MPP7: variants seen among roughly 807,000 people sequenced by gnomAD.
MPP7 encodes MAGUK p55 scaffold protein 7, also known as MAGUK p55 subfamily member 7.
Under a neutral mutation model 76.5 loss-of-function variants are expected in MPP7, and 60 were observed. That is an observed-to-expected ratio of 0.78 (90% confidence interval 0.64 to 0.97). The LOEUF (loss-of-function observed/expected upper bound fraction) is 0.97. Ranked by LOEUF, MPP7 falls within the 50% of genes least tolerant of loss-of-function variation. The pLI is 0.00. For synonymous variants in MPP7, 237 were observed against 244.5 expected, an observed-to-expected ratio of 0.97 and a Z score of 0.29; for missense variants, 641 against 694.0, an observed-to-expected ratio of 0.92 and a Z score of 0.86.
chr10:28,332,790 T>C (rs1218556136), intron 1 of MPP7, among the ~76,000 whole-genome samples: 1 of 151,972 alleles, frequency 6.6e-6, no homozygotes, highest in African/African-American at 2.4e-5. Flanking sequence ...GCCTTCTAAG[T>C]AGCTTGGACC....
intron 3 of MPP7, among the ~76,000 whole-genome samples, chr10:28,185,219 T>C (rs1837195814): frequency 6.7e-6 from 1 of 149,064 alleles, no homozygotes; most frequent in East Asian, 1.9e-4. Flanking sequence ...TATAATATAG[T>C]ATAATATGAT....
chr10:28,305,235 G>C (rs1435615278), upstream of MPP7, among the ~76,000 whole-genome samples: 3 of 152,206 alleles, frequency 2.0e-5, no homozygotes, highest in African/African-American at 7.2e-5. Flanking sequence ...AAGCCAGCAT[G>C]GGTATCATGG....
intron 12 of MPP7, among the ~76,000 whole-genome samples, chr10:28,075,218 G>C (rs561878166): frequency 6.6e-6 from 1 of 152,198 alleles, no homozygotes; most frequent in South Asian, 2.1e-4. Context: ...CTTCCCACCA[G>C]GCCCCACCTC....
At chr10:28,217,356 C>A (rs2134046110) in intron 2 of MPP7, among the ~76,000 whole-genome samples, 1 of 151,978 alleles carries the variant, frequency 6.6e-6, no homozygotes, top group South Asian at 2.1e-4. Context: ...TGGTGAAACC[C>A]TATCTCTACT....
intron 1 of MPP7, among the ~76,000 whole-genome samples, chr10:28,243,764 CAG>C (rs1306687430): frequency 6.6e-6 from 1 of 152,006 alleles, no homozygotes; most frequent in East Asian, 1.9e-4. Flanking sequence ...AAAGTAGACA[CAG>C]ATACAAAAAT....
intron 3 of MPP7, among the ~76,000 whole-genome samples, chr10:28,198,609 A>G (rs933611894): frequency 2.0e-5 from 3 of 152,002 alleles, no homozygotes; most frequent in African/African-American, 7.2e-5. Flanking sequence ...AAAGAAAGAA[A>G]TATAGTATTT....
intron 2 of MPP7, among the ~76,000 whole-genome samples, chr10:28,231,197 T>C (rs924835756): frequency 6.6e-6 from 1 of 151,948 alleles, no homozygotes; most frequent in South Asian, 2.1e-4. Flanking sequence ...AAAAAAACTC[T>C]TATGTGAATA....
chr10:28,054,528 G>A (rs893654323), intron 16 of MPP7, among the ~76,000 whole-genome samples: 4 of 152,176 alleles, frequency 2.6e-5, no homozygotes, highest in Non-Finnish European at 5.9e-5. Context: ...TCATTATGGG[G>A]AAATGTCAGT....
chr10:28,274,154 G>A (rs1840417617), intron 1 of MPP7, among the ~76,000 whole-genome samples: 1 of 145,342 alleles, frequency 6.9e-6, no homozygotes. Context: ...CCAGGCTGGA[G>A]TGCAGTGGCG....
intron 11 of MPP7, among the ~76,000 whole-genome samples, chr10:28,106,716 C>T (rs1278285647): frequency 6.6e-6 from 1 of 152,146 alleles, no homozygotes; most frequent in Non-Finnish European, 1.5e-5. Context: ...AAAACTGCCT[C>T]GGACTCAACG....
intron 5 of MPP7, among the ~76,000 whole-genome samples, chr10:28,136,294 G>A (rs1308024384): frequency 6.6e-6 from 1 of 151,990 alleles, no homozygotes; most frequent in Non-Finnish European, 1.5e-5. Flanking sequence ...ACCCCCATCT[G>A]TGGAAAAACT....
At chr10:28,060,544 C>G (rs7903206) in intron 13 of MPP7, among the ~76,000 whole-genome samples, 6 of 152,042 alleles carry the variant, frequency 3.9e-5, no homozygotes, top group African/African-American at 1.4e-4. Context: ...TCAAACTGCA[C>G]GGGGAGGAGT....
intron 11 of MPP7, among the ~76,000 whole-genome samples, chr10:28,102,859 C>T (rs1219947088): frequency 1.3e-5 from 2 of 152,168 alleles, no homozygotes; most frequent in Non-Finnish European, 2.9e-5. Context: ...GCTGTTTCTC[C>T]CTTACAATCC....
chr10:28,307,164 C>T (rs1351353606), upstream of MPP7, among the ~76,000 whole-genome samples: 2 of 152,146 alleles, frequency 1.3e-5, no homozygotes, highest in Non-Finnish European at 1.5e-5. Flanking sequence ...GTCAATGAGG[C>T]TTCCTTTCTA....
At chr10:28,058,630 C>A in intron 14 of MPP7, 27 bp from the exon 15 acceptor site, 2 of 1,249,468 alleles carry the variant, frequency 1.6e-6, no homozygotes, top group African/African-American at 1.5e-5. Flanking sequence ...GCATTGGAAT[C>A]ATTTGTGAAT....
At chr10:28,269,444 T>C (rs954404237) in intron 1 of MPP7, among the ~76,000 whole-genome samples, 2 of 152,200 alleles carry the variant, frequency 1.3e-5, no homozygotes, top group Non-Finnish European at 2.9e-5. Flanking sequence ...TCCATCATCA[T>C]TCTAAAGTAA....
chr10:28,092,861 T>A (rs1853385359), intron 11 of MPP7, among the ~76,000 whole-genome samples: 1 of 150,784 alleles, frequency 6.6e-6, no homozygotes, highest in Non-Finnish European at 1.5e-5. Context: ...ATTATAGGCA[T>A]GAGACACTGA....
chr10:28,316,725 C>T (rs971612732), intron 2 of MPP7, among the ~76,000 whole-genome samples: 3 of 152,068 alleles, frequency 2.0e-5, no homozygotes, highest in Non-Finnish European at 4.4e-5. Flanking sequence ...ATGAAGGATA[C>T]TGGTGTATCT....
chr10:28,316,986 C>T (rs1013072090), intron 2 of MPP7, among the ~76,000 whole-genome samples: 8 of 152,046 alleles, frequency 5.3e-5, no homozygotes, highest in African/African-American at 1.9e-4. Flanking sequence ...TGCTGCTGTA[C>T]CCACGCATGT....
Sources: gnomAD v4.1 joint callset for allele counts (sites outside exome capture counted in the v4.1 genomes callset) on GRCh38, gnomAD v4.1.1 for gene constraint, MANE v1.5 for transcripts, NCBI Gene and HGNC (gene_info 2026-07-23, HGNC 2026-07-21) for gene names.